The following SLC12A8 variants were observed in gnomAD, a reference collection of about 807,000 sequenced individuals.
The protein encoded by SLC12A8 is cation-chloride cotransporter 9.
SLC12A8 carries 69 observed loss-of-function variants against 75.6 expected under a neutral mutation model. The observed-to-expected ratio is 0.91, with a 90% confidence interval of 0.75 to 1.11. SLC12A8 has a LOEUF of 1.11. SLC12A8 is among the 50% of genes most tolerant of loss of function. The pLI, the probability that SLC12A8 is intolerant of heterozygous loss-of-function variation, is 0.00. For synonymous variants in SLC12A8, 365 were observed against 372.8 expected, an observed-to-expected ratio of 0.98 and a Z score of 0.24; for missense variants, 877 against 896.7, an observed-to-expected ratio of 0.98 and a Z score of 0.28.
rs1254520566 is a variant in SLC12A8 at position 125,107,829 on chromosome 3, C to T, written c.1357G>A (p.Gly453Ser). The change falls in exon 10 of 14, where the codon GGC becomes AGC. Residue 453 changes from glycine to serine, a missense_variant. By Grantham distance (56) the Gly-to-Ser change is moderately conservative. Coordinates refer to ENST00000469902, the MANE Select transcript of SLC12A8 (RefSeq NM_024628.6). ...SEGPAQRVLEGTLLEFTKDMD... is the reference protein window; with the variant it reads ...SEGPAQRVLESTLLEFTKDMD... ...TCCTTGGTGAATTCCAGTAGCGTGC[C>T]CTCCAAGACTCTTTGGGCAGGTCCC... 1.2e-6 allele frequency: 2 copies of T among 1,614,134 alleles called. No homozygotes were observed. Among genetic ancestry groups the T allele is most frequent in the Non-Finnish European group, 1.7e-6 (2 of 1,180,026 alleles).
rs1934166798 is a variant in SLC12A8 at position 125,161,509 on chromosome 3, C to T, written c.622+16234G>A. ...CCCCAACTGGATTCCAACTGACCTG[C>T]AGGAATATCTGGCCAACACTGCCAG... On this transcript the variant is annotated intron_variant, in intron 5 of 13. Transcript: ENST00000469902. 2.0e-5 allele frequency among the ~76,000 whole-genome samples: 3 copies of T among 152,262 alleles called. No individual in the cohort carries two copies. In the South Asian group the frequency reaches 6.2e-4, roughly 32 times the overall value.
At chr3:125,174,804 G>A (rs1377377845) in intron 5 of SLC12A8, among the ~76,000 whole-genome samples, 1 of 152,232 alleles carries the variant, frequency 6.6e-6, no homozygotes, top group East Asian at 1.9e-4. Context: ...ATCAGTGGTT[G>A]CCAGGAGTTG....
In SLC12A8 at chr3:125,135,850, T is replaced by C. The variant is rs573331010; in HGVS notation, c.623-68A>G. 44 of 883,540 alleles carry C rather than the reference T, an allele frequency of 5.0e-5. No individual in the cohort carries two copies. In the African/African-American group the frequency reaches 6.2e-4, roughly 12 times the overall value. 54.7% of individuals were successfully genotyped at this position (883,540 alleles called of 1,614,324 possible). ...ACACAGGACACATTTCCCTAGATTA[T>C]GGTACTATTTCATATATCGCTTTAA... is the stretch of plus-strand genomic sequence containing the variant. On this transcript the variant is annotated intron_variant, in intron 5 of 13. Coordinates refer to ENST00000469902, the MANE Select transcript of SLC12A8 (RefSeq NM_024628.6).
At chr3:125,210,230 C>G (rs1480000301) in intron 2 of SLC12A8, among the ~76,000 whole-genome samples, 1 of 152,138 alleles carries the variant, frequency 6.6e-6, no homozygotes, top group Non-Finnish European at 1.5e-5. Flanking sequence ...TACTTAAATA[C>G]CACTTAAATA....
intron 10 of SLC12A8, among the ~76,000 whole-genome samples, chr3:125,096,498 T>C (rs1938715651): frequency 6.6e-6 from 1 of 152,218 alleles, no homozygotes; most frequent in Non-Finnish European, 1.5e-5. Flanking sequence ...TCCATACATG[T>C]GGGTGAATGA....
At chr3:125,174,164 C>A (rs1934471637) in intron 5 of SLC12A8, among the ~76,000 whole-genome samples, 5 of 152,132 alleles carry the variant, frequency 3.3e-5, no homozygotes, top group South Asian at 4.1e-4. Flanking sequence ...TTTAAAAGGG[C>A]AAAAGATCTT....
At chr3:125,165,881 A>G (rs964568894) in intron 5 of SLC12A8, among the ~76,000 whole-genome samples, 3 of 152,188 alleles carry the variant, frequency 2.0e-5, no homozygotes, top group Non-Finnish European at 4.4e-5. Context: ...CCCGAGTGGA[A>G]CAGCCACCTG....
Position 125,204,561 on chromosome 3 carries a change from G to T in SLC12A8, c.51+6738C>A, listed in dbSNP as rs950688876. ...CATTGAGCTAAATAGTAGAATGATG[G>T]TTATCAGAGGGTGGGAAGGGGATTG... On this transcript the variant is annotated intron_variant, in intron 2 of 13. Transcript: ENST00000469902. Among the ~76,000 whole-genome samples, 33 of 152,098 alleles carry T rather than the reference G, an allele frequency of 2.2e-4. 1 individual carries two copies. The highest frequency in any genetic ancestry group is 4.4e-5 in the Non-Finnish European group (3 of 68,014).
intron 5 of SLC12A8, among the ~76,000 whole-genome samples, chr3:125,168,884 A>G (rs1934347758): frequency 1.3e-5 from 2 of 152,182 alleles, no homozygotes; most frequent in South Asian, 4.1e-4. Flanking sequence ...CGTCTGCTAC[A>G]TTCAGCGTGA....
At chr3:125,088,901 A>G (rs1479614078) in intron 12 of SLC12A8, among the ~76,000 whole-genome samples, 1 of 152,200 alleles carries the variant, frequency 6.6e-6, no homozygotes, top group Non-Finnish European at 1.5e-5. Flanking sequence ...TTGAAGTGAC[A>G]TTGTTGTTGA....
chr3:125,148,582 C>T (rs371757220), intron 5 of SLC12A8, among the ~76,000 whole-genome samples: 1 of 152,114 alleles, frequency 6.6e-6, no homozygotes, highest in African/African-American at 2.4e-5. Flanking sequence ...CATCTCCTGC[C>T]AGCCTCAGGA....
chr3:125,188,075 G>A (rs1934829638), intron 3 of SLC12A8, among the ~76,000 whole-genome samples: 1 of 152,186 alleles, frequency 6.6e-6, no homozygotes, highest in African/African-American at 2.4e-5. Flanking sequence ...CAATGTTGGA[G>A]GTGGGGCCTG....
chr3:125,121,657 A>G (rs570253), intron 6 of SLC12A8, among the ~76,000 whole-genome samples: 31,509 of 152,214 alleles, frequency 0.21, 3,873 homozygotes, highest in South Asian at 0.49. Flanking sequence ...CTTATGGAAA[A>G]GTGTTCAAAG....
At chr3:125,198,808 C>T (rs1384677764) in intron 2 of SLC12A8, among the ~76,000 whole-genome samples, 3 of 148,800 alleles carry the variant, frequency 2.0e-5, no homozygotes, top group Non-Finnish European at 3.0e-5. Context: ...GATGGAGTCT[C>T]GCTCTATCAC....
intron 2 of SLC12A8, among the ~76,000 whole-genome samples, chr3:125,204,508 C>T (rs1935189420): frequency 6.6e-6 from 1 of 152,012 alleles, no homozygotes; most frequent in African/African-American, 2.4e-5. Flanking sequence ...TGTTCTTATC[C>T]ATATGTGGGA....
chr3:125,141,537 T>TC (rs1325282763), intron 5 of SLC12A8, among the ~76,000 whole-genome samples: 11 of 152,230 alleles, frequency 7.2e-5, no homozygotes, highest in African/African-American at 2.6e-4. Context: ...GCCCCCGACA[T>TC]CCCCTCCCCC....
rs755720441 is a variant in SLC12A8 at position 125,187,267 on chromosome 3, G to A, written c.360C>T (p.Gly120=). 8 of 1,614,054 alleles carry A rather than the reference G, an allele frequency of 5.0e-6. No individual in the cohort carries two copies. The highest frequency in any genetic ancestry group is 2.7e-5 in the African/African-American group (2 of 74,920). ...CAAACACATAGAGCAGCCCGATGGT[G>A]CCTCCCGTCTGCCCACCCAGGACCG... ...ISSVLGGQTG[G]TIGLLYVFGQ... Residue 120 remains glycine (G), a synonymous_variant, in exon 4 of 14, where the codon GGC becomes GGT. Transcript: ENST00000469902.
chr3:125,101,631 T>TA (rs751873068), intron 10 of SLC12A8, among the ~76,000 whole-genome samples: 33 of 152,370 alleles, frequency 2.2e-4, no homozygotes, highest in Non-Finnish European at 3.1e-4. Context: ...TCTACGTAGT[T>TA]AAAAAATCTC....
At chr3:125,108,253 T>A in intron 9 of SLC12A8, 127 bp from the exon 10 acceptor site, 1 of 940,470 alleles carries the variant, frequency 1.1e-6, no homozygotes, top group Non-Finnish European at 1.6e-6. Flanking sequence ...TGATTATTCA[T>A]CTATAAACTT....
Sources: allele counts gnomAD v4.1 joint callset (sites outside exome capture counted in the v4.1 genomes callset), GRCh38; gene constraint gnomAD v4.1.1; transcripts MANE v1.5; gene names NCBI Gene and HGNC (gene_info 2026-07-23, HGNC 2026-07-21).